Variants in CCSER2 observed in about 807,000 individuals in gnomAD.
CCSER2 encodes coiled-coil serine rich protein 2.
CCSER2 carries 46 observed loss-of-function variants against 92.3 expected under a neutral mutation model. The observed-to-expected ratio is 0.50, with a 90% CI of 0.39 to 0.64. CCSER2 has a LOEUF of 0.64. Among genes scored for constraint, CCSER2 ranks in the 30% least tolerant of loss-of-function variants. The pLI is 0.00. For missense variants in CCSER2, 1,244 were observed against 1,238.9 expected (o/e 1.00, Z -0.06); for synonymous variants, 433 against 431.4 (o/e 1.00, Z -0.04).
intron 8 of CCSER2, among the ~76,000 whole-genome samples, chr10:84,475,203 T>TAATC (rs34623520): frequency 0.12 from 18,397 of 152,030 alleles, 3,197 homozygotes; most frequent in African/African-American, 0.39. Context: ...GGAATGGGAT[T>TAATC]AATCACATTG....
At chr10:84,376,600 G>A (rs1449841575) in intron 3 of CCSER2, among the ~76,000 whole-genome samples, 1 of 152,054 alleles carries the variant, frequency 6.6e-6, no homozygotes, top group African/African-American at 2.4e-5. Context: ...TATTGTTCAT[G>A]GGCATTTAGG....
chr10:84,383,786 A>T (rs1228924767), intron 3 of CCSER2, among the ~76,000 whole-genome samples: 1 of 152,242 alleles, frequency 6.6e-6, no homozygotes, highest in Non-Finnish European at 1.5e-5. Context: ...CTGAATAACA[A>T]AGATCAGAGC....
intron 6 of CCSER2, among the ~76,000 whole-genome samples, chr10:84,456,318 A>G (rs1845617786): frequency 6.6e-6 from 1 of 152,222 alleles, no homozygotes; most frequent in African/African-American, 2.4e-5. Context: ...GATATGATAT[A>G]GCCTTTTGAG....
intron 3 of CCSER2, among the ~76,000 whole-genome samples, chr10:84,385,400 A>G (rs1841145258): frequency 6.6e-6 from 1 of 152,196 alleles, no homozygotes. Flanking sequence ...TACTGATATA[A>G]AAGTAGACAC....
In CCSER2 at chr10:84,364,777, T is replaced by A. The variant is rs1184514846; in HGVS notation, c.-39-6237T>A. 1.7e-4 allele frequency among the ~76,000 whole-genome samples: 25 copies of A among 149,694 alleles called. No homozygotes were observed. In the Admixed American group the frequency reaches 1.7e-3, roughly 10 times the overall value. Reference sequence around the variant, plus strand: ...TTTTTTTTGAGATGGAGTCTGGCTCTTTTGTCCAGGCTGTAGTGCAGTGGT... The same window carrying A: ...TTTTTTTTGAGATGGAGTCTGGCTCATTTGTCCAGGCTGTAGTGCAGTGGT... On this transcript the variant is annotated intron_variant, in intron 1 of 9. Coordinates refer to ENST00000372088, the MANE Select transcript of CCSER2 (RefSeq NM_001284240.2).
chr10:84,392,423 A>G (rs980122876), intron 3 of CCSER2, among the ~76,000 whole-genome samples: 1 of 151,988 alleles, frequency 6.6e-6, no homozygotes, highest in Non-Finnish European at 1.5e-5. Context: ...TAAATGATGC[A>G]TAGGGACAAG....
intron 6 of CCSER2, among the ~76,000 whole-genome samples, chr10:84,445,843 G>T (rs763904673): frequency 4.6e-5 from 7 of 152,022 alleles, no homozygotes; most frequent in Non-Finnish European, 1.0e-4. Context: ...TATTTCATTT[G>T]TTCTATAATA....
At chr10:84,507,289 G>T (rs1297383916) in intron 9 of CCSER2, 2 of 984,842 alleles carry the variant, frequency 2.0e-6, no homozygotes, top group African/African-American at 1.7e-5. Context: ...TATGCCATTG[G>T]CAAGGAGTTG....
chr10:84,365,327 C>T lies in CCSER2; in HGVS notation c.-39-5687C>T, dbSNP rs183820127. Reference sequence around the variant, plus strand: ...AAGTGCATCAAAGACAGCATGGCTACCAAAATGAAGCAGACTCACAATGTC... The same window carrying T: ...AAGTGCATCAAAGACAGCATGGCTATCAAAATGAAGCAGACTCACAATGTC... On this transcript the variant is annotated intron_variant, in intron 1 of 9. Transcript: ENST00000372088. Among the ~76,000 whole-genome samples, 12 of 152,228 alleles carry T rather than the reference C, an allele frequency of 7.9e-5. No homozygotes were observed. In the East Asian group the frequency reaches 1.5e-3, roughly 20 times the overall value.
intron 9 of CCSER2, among the ~76,000 whole-genome samples, chr10:84,489,806 C>T (rs528423224): frequency 6.6e-5 from 10 of 152,230 alleles, no homozygotes; most frequent in African/African-American, 2.4e-4. Context: ...TTATGTTGCT[C>T]GTTAGTTGAT....
At chr10:84,477,037 G>A (rs1048008614) in intron 8 of CCSER2, among the ~76,000 whole-genome samples, 4 of 152,134 alleles carry the variant, frequency 2.6e-5, no homozygotes, top group Admixed American at 1.3e-4. Flanking sequence ...ATTAAAATAT[G>A]GATTTAAGAA....
At chr10:84,426,446 G>T (rs577951313) in intron 5 of CCSER2, among the ~76,000 whole-genome samples, 1 of 152,124 alleles carries the variant, frequency 6.6e-6, no homozygotes, top group Non-Finnish European at 1.5e-5. Flanking sequence ...CTGACCTGGC[G>T]CAGATTAGCT....
chr10:84,449,114 C>G (rs1845108571), intron 6 of CCSER2, among the ~76,000 whole-genome samples: 1 of 152,200 alleles, frequency 6.6e-6, no homozygotes, highest in Non-Finnish European at 1.5e-5. Context: ...GTGGCCCATG[C>G]CTGTAATCCC....
rs1392658263 is a variant in CCSER2, at chr10:84,391,049, A to G, written c.1614+17234A>G. 14 of 777,588 alleles carry G rather than the reference A, an allele frequency of 1.8e-5. No individual in the cohort carries two copies. The East Asian group carries it at 1.9e-4, about 11-fold the overall frequency. 48.2% of individuals were successfully genotyped at this position (777,588 alleles called of 1,614,324 possible). A position where few individuals can be genotyped will look rare whatever the true frequency, so the allele number is the denominator to read the frequency against. On this transcript the variant is annotated intron_variant, in intron 3 of 9. Coordinates refer to ENST00000372088, the MANE Select transcript of CCSER2 (RefSeq NM_001284240.2). Reference sequence around the variant, plus strand: ...GGAACATTAGCAGATTCAGTAGGACATCATTCAAACAAACCAGAATATATT... The same window carrying G: ...GGAACATTAGCAGATTCAGTAGGACGTCATTCAAACAAACCAGAATATATT...
chr10:84,370,587 C>G (rs1036090620), intron 1 of CCSER2, among the ~76,000 whole-genome samples: 5 of 152,020 alleles, frequency 3.3e-5, no homozygotes, highest in African/African-American at 1.2e-4. Flanking sequence ...TTCTTCTTTT[C>G]CAATCTGAAT....
At chr10:84,508,533 T>C (rs891714510) in intron 9 of CCSER2, among the ~76,000 whole-genome samples, 7 of 152,172 alleles carry the variant, frequency 4.6e-5, no homozygotes, top group Admixed American at 4.6e-4. Flanking sequence ...ATCAGCCTGA[T>C]TGTAAAAGCT....
In CCSER2 at chr10:84,513,560, A is replaced by G. The variant is rs1849478184; in HGVS notation, c.2437A>G (p.Met813Val). 5 of 1,614,076 alleles carry G rather than the reference A, an allele frequency of 3.1e-6. No homozygotes were observed. The East Asian group carries it at 8.9e-5, about 29-fold the overall frequency. The change falls in exon 10 of 10, where the codon ATG (methionine) becomes GTG (valine). Residue 813 changes from methionine to valine, a missense_variant. Coordinates refer to ENST00000372088, the MANE Select transcript of CCSER2 (RefSeq NM_001284240.2). ...CCGCAGTGAATGCTCAATCCAAGAC[A>G]TGCATCAGGGCGGTGCACATCCGGA... ...EARSECSIQD[M>V]HQGGAHPEES...
chr10:84,441,410 GTTTGT>G (rs1165589240), intron 6 of CCSER2, among the ~76,000 whole-genome samples: 1 of 151,984 alleles, frequency 6.6e-6, no homozygotes, highest in African/African-American at 2.4e-5. Context: ...GAGAGTTTCT[GTTTGT>G]TTTGTTTCAT....
intron 6 of CCSER2, among the ~76,000 whole-genome samples, chr10:84,457,321 T>TTATATATTATATATAA (rs1845757938): frequency 1.8e-5 from 1 of 56,742 alleles, no homozygotes; most frequent in African/African-American, 6.0e-5. Flanking sequence ...ATATAATATA[T>TTATATATTATATATAA]TATATATAAT....
Sources: gnomAD v4.1 joint callset for allele counts (sites outside exome capture counted in the v4.1 genomes callset) on GRCh38, gnomAD v4.1.1 for gene constraint, MANE v1.5 for transcripts, NCBI Gene and HGNC (gene_info 2026-07-23, HGNC 2026-07-21) for gene names.